Variants in CLSTN2 observed in about 807,000 individuals in gnomAD.
The protein encoded by CLSTN2 is calsyntenin-2.
CLSTN2 carries 48 observed loss-of-function variants against 101.2 expected under a neutral mutation model. The observed-to-expected ratio is 0.47, with a 90% CI of 0.38 to 0.60. The LOEUF (loss-of-function observed/expected upper bound fraction) is 0.60. CLSTN2 is among the 20% of genes least tolerant of loss of function. CLSTN2 has a pLI of 0.00. For missense variants in CLSTN2, 1,160 were observed against 1,238.2 expected, an observed-to-expected ratio of 0.94 and a Z score of 0.95; for synonymous variants, 481 against 463.6, an observed-to-expected ratio of 1.04 and a Z score of -0.48.
chr3:139,968,249 G>A (rs1476377108), intron 1 of CLSTN2, among the ~76,000 whole-genome samples: 1 of 152,186 alleles, frequency 6.6e-6, no homozygotes, highest in Admixed American at 6.5e-5. Flanking sequence ...CCTTGGAACA[G>A]TGCAATACTT....
At chr3:140,055,712 T>C (rs1423589013) in intron 1 of CLSTN2, among the ~76,000 whole-genome samples, 6 of 152,222 alleles carry the variant, frequency 3.9e-5, no homozygotes, top group Admixed American at 2.6e-4. Flanking sequence ...CAACAAAAAC[T>C]CAAGTGTGCT....
chr3:139,946,386 G>A (rs529666622), intron 1 of CLSTN2, among the ~76,000 whole-genome samples: 34 of 152,252 alleles, frequency 2.2e-4, no homozygotes, highest in African/African-American at 8.2e-4. Flanking sequence ...TGGTAGACAG[G>A]GCATGTCCAA....
At chr3:140,489,742 C>T (rs1449804813) in intron 8 of CLSTN2, among the ~76,000 whole-genome samples, 2 of 151,882 alleles carry the variant, frequency 1.3e-5, no homozygotes, top group African/African-American at 4.8e-5. Flanking sequence ...CAGGCCCTTG[C>T]TATGCATTTT....
At chr3:139,941,901 C>T (rs1352826389) in intron 1 of CLSTN2, among the ~76,000 whole-genome samples, 1 of 152,138 alleles carries the variant, frequency 6.6e-6, no homozygotes, top group Non-Finnish European at 1.5e-5. Context: ...TGGTTTGATC[C>T]TCGTACCAAC....
chr3:140,277,718 C>T (rs1403353833), intron 2 of CLSTN2, among the ~76,000 whole-genome samples: 1 of 152,066 alleles, frequency 6.6e-6, no homozygotes, highest in Non-Finnish European at 1.5e-5. Context: ...CAGATAGATG[C>T]TGTAGGAGAG....
At chr3:140,097,515 A>G (rs960649526) in intron 1 of CLSTN2, among the ~76,000 whole-genome samples, 5 of 152,236 alleles carry the variant, frequency 3.3e-5, no homozygotes, top group African/African-American at 4.8e-5. Context: ...TTGAGGAGAT[A>G]AGACATACTA....
At chr3:140,318,256 G>T (rs1484180834) in intron 2 of CLSTN2, among the ~76,000 whole-genome samples, 1 of 152,156 alleles carries the variant, frequency 6.6e-6, no homozygotes, top group Non-Finnish European at 1.5e-5. Flanking sequence ...ACAAGCCAAG[G>T]CCATGAGACA....
intron 1 of CLSTN2, among the ~76,000 whole-genome samples, chr3:140,159,587 A>G (rs1332566716): frequency 6.6e-6 from 1 of 152,152 alleles, no homozygotes; most frequent in Non-Finnish European, 1.5e-5. Flanking sequence ...TAAATCAGCC[A>G]CTGTGAAAAG....
chr3:140,363,465 G>C (rs1018430450), intron 2 of CLSTN2, among the ~76,000 whole-genome samples: 4 of 152,138 alleles, frequency 2.6e-5, no homozygotes, highest in Admixed American at 6.5e-5. Flanking sequence ...ACTTACAGTA[G>C]GTTAATTTTA....
chr3:140,379,936 A>G (rs936289113), intron 2 of CLSTN2, among the ~76,000 whole-genome samples: 4 of 152,184 alleles, frequency 2.6e-5, no homozygotes, highest in Non-Finnish European at 5.9e-5. Flanking sequence ...AAATAGGATT[A>G]CCATTCCTTT....
At chr3:140,316,189 A>G (rs1363830548) in intron 2 of CLSTN2, among the ~76,000 whole-genome samples, 7 of 152,130 alleles carry the variant, frequency 4.6e-5, no homozygotes, top group Non-Finnish European at 1.5e-5. Context: ...TATGATTACC[A>G]TTCAGTGCAA....
chr3:140,158,672 G>A (rs76940223), intron 1 of CLSTN2, among the ~76,000 whole-genome samples: 8,914 of 151,888 alleles, frequency 0.059, 396 homozygotes, highest in East Asian at 0.21. Context: ...TCACAGAATC[G>A]GAAAAAAAGA....
intron 1 of CLSTN2, among the ~76,000 whole-genome samples, chr3:140,075,229 T>G (rs796284682): frequency 2.0e-5 from 3 of 152,260 alleles, no homozygotes; most frequent in African/African-American, 4.8e-5. Context: ...TTCTTCTACT[T>G]TCTTTGGGTT....
At chr3:140,230,510 A>C (rs930680651) in intron 2 of CLSTN2, among the ~76,000 whole-genome samples, 3 of 152,200 alleles carry the variant, frequency 2.0e-5, no homozygotes, top group African/African-American at 7.2e-5. Context: ...GGAGGTAATT[A>C]GGCCATAAGG....
Position 140,537,200 on chromosome 3 carries a change from G to C in CLSTN2, c.1507+4714G>C, listed in dbSNP as rs77194152. 3.5e-4 allele frequency among the ~76,000 whole-genome samples: 53 copies of C among 152,282 alleles called. No homozygotes were observed. In the East Asian group the frequency reaches 0.01, roughly 29 times the overall value. On this transcript the variant is annotated intron_variant, in intron 9 of 16. Transcript: ENST00000458420. ...TCCCATTTGTGAAATTTCAGACGAGGCTTTAACAATGGAAGTAGAAAATGG... is the reference window on the plus strand; with the variant it reads ...TCCCATTTGTGAAATTTCAGACGAGCCTTTAACAATGGAAGTAGAAAATGG...
intron 1 of CLSTN2, among the ~76,000 whole-genome samples, chr3:140,078,050 G>C (rs1193897188): frequency 1.3e-5 from 2 of 152,170 alleles, no homozygotes; most frequent in Non-Finnish European, 2.9e-5. Flanking sequence ...GTGGATGAGG[G>C]GAAGATGAAA....
chr3:140,277,852 G>A (rs998212420), intron 2 of CLSTN2, among the ~76,000 whole-genome samples: 2 of 152,174 alleles, frequency 1.3e-5, no homozygotes, highest in African/African-American at 4.8e-5. Context: ...TCCATGTTCT[G>A]TGATGCTTTA....
intron 2 of CLSTN2, among the ~76,000 whole-genome samples, chr3:140,311,093 G>T (rs972168312): frequency 6.6e-6 from 1 of 152,118 alleles, no homozygotes; most frequent in Non-Finnish European, 1.5e-5. Flanking sequence ...AGGTGAGCCA[G>T]ATTGGGCAGT....
chr3:140,243,323 AC>A (rs2086487077), intron 2 of CLSTN2, among the ~76,000 whole-genome samples: 1 of 152,206 alleles, frequency 6.6e-6, no homozygotes, highest in East Asian at 1.9e-4. Context: ...TTTTATCCAG[AC>A]TTCAGAAAAG....
Sources: allele counts gnomAD v4.1 joint callset (sites outside exome capture counted in the v4.1 genomes callset), GRCh38; gene constraint gnomAD v4.1.1; transcripts MANE v1.5; gene names NCBI Gene and HGNC (gene_info 2026-07-23, HGNC 2026-07-21).